The following ACSM2B variants were observed in gnomAD, a reference collection of about 807,000 sequenced individuals.
ACSM2B encodes acyl-coenzyme A synthetase ACSM2B, mitochondrial.
In ACSM2B, 58 loss-of-function variants were observed where a neutral mutation model predicts 78.6. The observed-to-expected ratio is 0.74, with a 90% CI of 0.60 to 0.92. The LOEUF (loss-of-function observed/expected upper bound fraction) is 0.92, where lower values mean the gene tolerates loss of function less well. ACSM2B is among the 40% of genes least tolerant of loss of function. ACSM2B has a pLI of 0.00. For missense variants in ACSM2B, 688 were observed against 711.2 expected (o/e 0.97, Z 0.37); for synonymous variants, 257 against 256.8 (o/e 1.00, Z -0.01).
chr16:20,569,973 G>T (rs2016049804), intron 1 of ACSM2B, among the ~76,000 whole-genome samples: 1 of 151,746 alleles, frequency 6.6e-6, no homozygotes, highest in Non-Finnish European at 1.5e-5. Flanking sequence ...AGTCTTTAAG[G>T]TCTTCTAGGT....
In ACSM2B at chr16:20,545,191, G is replaced by C. The variant is rs1389964531; in HGVS notation, c.1247C>G (p.Pro416Arg). Reference protein sequence around the residue: ...TEGDIGIRVKPIRPIGIFSGY... With the variant: ...TEGDIGIRVKRIRPIGIFSGY... ...AGAGAAGATGCCTATAGGCCTGATG[G>C]GTTTGACCCTGATGCCAATGTCTCC... The change falls in exon 10 of 14, where the codon CCC becomes CGC. Residue 416 changes from proline (P) to arginine (R), a missense_variant. Transcript: ENST00000329697. 1.9e-6 allele frequency: 3 copies of C among 1,613,756 alleles called. No homozygotes were observed. The highest frequency in any genetic ancestry group is 2.5e-6 in the Non-Finnish European group (3 of 1,179,828).
chr16:20,559,437 C>T lies in ACSM2B; in HGVS notation c.188G>A (p.Arg63Gln), dbSNP rs757950871. The change falls in exon 3 of 14, where the codon CGA (arginine) becomes CAA (glutamine). Residue 63 changes from arginine (R) to glutamine (Q), a missense_variant. Physicochemically the swap from Arg to Gln is conservative, Grantham distance 43. Coordinates refer to ENST00000329697, the MANE Select transcript of ACSM2B (RefSeq NM_001105069.2). ...CCACCACAGGGCTGGGCTTGGGAGT[C>T]GCTTGCCAGCCTGAGGAAAGAGAAA... is the stretch of plus-strand genomic sequence containing the variant. ...HWADMEKAGKRLPSPALWWVN... is the reference protein window; with the variant it reads ...HWADMEKAGKQLPSPALWWVN... 1.9e-5 allele frequency: 30 copies of T among 1,612,616 alleles called. No homozygotes were observed. The highest frequency in any genetic ancestry group is 5.5e-5 in the South Asian group (5 of 90,792).
intron 3 of ACSM2B, among the ~76,000 whole-genome samples, chr16:20,556,564 T>G (rs528783586): frequency 3.9e-5 from 6 of 152,128 alleles, no homozygotes; most frequent in African/African-American, 1.4e-4. Context: ...ATCGCACCAC[T>G]GCACTCCAGC....
In ACSM2B at chr16:20,565,717, T is replaced by C. The variant is rs181526570; in HGVS notation, c.-8-864A>G. On this transcript the variant is annotated intron_variant, in intron 1 of 13. Transcript: ENST00000329697. ...TCTTTATTGGTGATTTGTGACATTG[T>C]TGTGCACCCATCACTCGAGGAGTAT... 2.0e-5 allele frequency among the ~76,000 whole-genome samples: 3 copies of C among 152,204 alleles called. No individual in the cohort carries two copies. The East Asian group carries it at 5.8e-4, about 29-fold the overall frequency.
intron 12 of ACSM2B, among the ~76,000 whole-genome samples, chr16:20,541,511 A>G (rs2014988020): frequency 6.6e-6 from 1 of 152,012 alleles, no homozygotes; most frequent in Admixed American, 6.5e-5. Flanking sequence ...CCTTTGGCTC[A>G]AATCCCTCCT....
chr16:20,548,732 A>T lies in ACSM2B; in HGVS notation c.895-259T>A, dbSNP rs144017696. Among the ~76,000 whole-genome samples, 691 of 152,216 alleles carry T rather than the reference A, an allele frequency of 4.5e-3. 4 individuals are homozygous for T. Among genetic ancestry groups the T allele is most frequent in the Non-Finnish European group, 6.9e-3 (471 of 68,006 alleles). On this transcript the variant is annotated intron_variant, in intron 6 of 13. Transcript: ENST00000329697. Reference sequence around the variant, plus strand: ...TTGAAACATTTTTGTCAAATCCTGGATGTCTGTTCCTGCCAGTTTAAGACT... The same window carrying T: ...TTGAAACATTTTTGTCAAATCCTGGTTGTCTGTTCCTGCCAGTTTAAGACT...
At position 20,545,275 on chromosome 16, in the gene ACSM2B, A is replaced by G. The variant is rs781302005; in HGVS notation, c.1180-17T>C. 2 of 1,610,782 alleles carry G rather than the reference A, an allele frequency of 1.2e-6. No homozygotes were observed. Among genetic ancestry groups the G allele is most frequent in the Non-Finnish European group, 1.7e-6 (2 of 1,177,782 alleles). On this transcript the variant is annotated splice_polypyrimidine_tract_variant and intron_variant, in intron 9 of 13. Coordinates refer to ENST00000329697, the MANE Select transcript of ACSM2B (RefSeq NM_001105069.2). ...ATCTATAACCTGGAGAAAGAAGCAT[A>G]TTGGAAGAATGACGCACACAGCAGG...
chr16:20,545,516 A>G (rs1238878364), intron 9 of ACSM2B, among the ~76,000 whole-genome samples: 1 of 152,216 alleles, frequency 6.6e-6, no homozygotes, highest in Non-Finnish European at 1.5e-5. Flanking sequence ...AGGAGCTCAG[A>G]TAAAATAATA....
rs374731787 is a variant in ACSM2B, at chr16:20,548,087, C to T, written c.1073G>A (p.Arg358Gln). The T allele has an allele frequency of 5.6e-5, 91 of 1,614,046 alleles. 1 individual carries two copies. The Admixed American group carries it at 5.8e-4, about 10-fold the overall frequency. ...NWRAQTGLDI[R>Q]EFYGQTETGL... ...CGTTTCTGTCTGGCCATAGAATTCT[C>T]GGATGTCCAGTCCTGTCTGGGCCCT... The change falls in exon 8 of 14, where the codon CGA (arginine) becomes CAA (glutamine). Residue 358 changes from arginine to glutamine, a missense_variant. Coordinates refer to ENST00000329697, the MANE Select transcript of ACSM2B (RefSeq NM_001105069.2).
At chr16:20,544,553 T>A in intron 10 of ACSM2B, 1 of 979,700 alleles carries the variant, frequency 1.0e-6, no homozygotes, top group Non-Finnish European at 1.2e-6. Flanking sequence ...ATTTATTTAG[T>A]TTATTAGTCA....
At chr16:20,546,339 T>A in intron 9 of ACSM2B, 55 bp downstream of exon 9, 2 of 1,561,918 alleles carry the variant, frequency 1.3e-6, no homozygotes, top group South Asian at 1.2e-5. Context: ...AAACATAAAT[T>A]ACTGAAAATC....
chr16:20,555,315 A>G lies in ACSM2B; in HGVS notation c.550T>C (p.Ser184Pro), dbSNP rs1396323152. 6.8e-6 allele frequency: 11 copies of G among 1,613,866 alleles called. No individual in the cohort carries two copies. In the East Asian group the frequency reaches 2.5e-4, roughly 36 times the overall value. ...CPSLRIKLLVSEKSCDGWLNF... is the reference protein window; with the variant it reads ...CPSLRIKLLVPEKSCDGWLNF... Reference sequence around the variant, plus strand: ...AGCCACCCATCGCAGCTTTTCTCAGACACCAGTAGCTTAATTCTCAGAGAA... The same window carrying G: ...AGCCACCCATCGCAGCTTTTCTCAGGCACCAGTAGCTTAATTCTCAGAGAA... Residue 184 changes from serine to proline, a missense_variant, in exon 4 of 14, where the codon TCT becomes CCT. Coordinates refer to ENST00000329697, the MANE Select transcript of ACSM2B (RefSeq NM_001105069.2).
chr16:20,555,094 C>T (rs570175620), intron 4 of ACSM2B, among the ~76,000 whole-genome samples, 175 bp downstream of exon 4: 2 of 140,354 alleles, frequency 1.4e-5, no homozygotes, highest in Non-Finnish European at 3.0e-5. Flanking sequence ...CCACTTAGTC[C>T]TTGCAATGAC....
intron 1 of ACSM2B, among the ~76,000 whole-genome samples, chr16:20,568,848 T>C (rs2016011038): frequency 6.6e-6 from 1 of 151,670 alleles, no homozygotes; most frequent in South Asian, 2.1e-4. Flanking sequence ...ATATGTATGC[T>C]GGATCTTCTT....
intron 2 of ACSM2B, among the ~76,000 whole-genome samples, chr16:20,564,061 T>C (rs2015745381): frequency 6.6e-6 from 1 of 151,768 alleles, no homozygotes; most frequent in Admixed American, 6.6e-5. Context: ...CAGGGACACG[T>C]GACCTAACTT....
chr16:20,553,691 A>G (rs1209331380), intron 5 of ACSM2B, 86 bp downstream of exon 5: 2 of 1,529,882 alleles, frequency 1.3e-6, no homozygotes, highest in Non-Finnish European at 1.8e-6. Flanking sequence ...AGGTGGTGAC[A>G]CAGCCCAGGA....
chr16:20,563,169 TTTTG>T (rs1489078349), intron 2 of ACSM2B, among the ~76,000 whole-genome samples: 1 of 152,176 alleles, frequency 6.6e-6, no homozygotes, highest in Non-Finnish European at 1.5e-5. Flanking sequence ...AAAAACAACC[TTTTG>T]TATTTGACTA....
chr16:20,555,577 G>C (rs939549793), intron 3 of ACSM2B, 101 bp from the exon 4 acceptor site: 20 of 1,555,034 alleles, frequency 1.3e-5, no homozygotes, highest in Admixed American at 3.8e-5. Context: ...GGGAAGGAGA[G>C]GATGGGGAAG....
At chr16:20,542,771 C>T (rs1050539219) in intron 12 of ACSM2B, 143 bp downstream of exon 12, 2 of 1,138,912 alleles carry the variant, frequency 1.8e-6, no homozygotes, top group Non-Finnish European at 2.5e-6. Context: ...AAGTAGCTTA[C>T]CCAAGGTCAC....
Sources: allele counts gnomAD v4.1 joint callset (sites outside exome capture counted in the v4.1 genomes callset), GRCh38; gene constraint gnomAD v4.1.1; transcripts MANE v1.5; gene names NCBI Gene and HGNC (gene_info 2026-07-23, HGNC 2026-07-21).